Variants in SENP7 observed in about 807,000 individuals in gnomAD.
SENP7 encodes the protein SUMO specific peptidase 7.
A neutral mutation model predicts 141.2 loss-of-function variants in SENP7; 64 were observed. The observed-to-expected ratio is 0.45, with a 90% CI of 0.37 to 0.56. The LOEUF (loss-of-function observed/expected upper bound fraction) is 0.56, where lower values mean the gene tolerates loss of function less well. SENP7 is among the 20% of genes least tolerant of loss of function. The probability of loss-of-function intolerance (pLI) is 0.00; values close to 1 mark genes in which losing one functional copy is unlikely to be tolerated. For missense variants in SENP7, 1,025 were observed against 1,212.2 expected, an observed-to-expected ratio of 0.85 and a Z score of 2.29; for synonymous variants, 382 against 426.4, an observed-to-expected ratio of 0.90 and a Z score of 1.28.
chr3:101,361,790 C>A lies in SENP7; in HGVS notation c.1548G>T (p.Met516Ile). The change falls in exon 11 of 24, where the codon ATG becomes ATT. Residue 516 changes from methionine to isoleucine, a missense_variant. Physicochemically the swap from Met to Ile is conservative, Grantham distance 10 (BLOSUM62 1). Around this residue, in one of 4 missense-constraint regions of SENP7, gnomAD observed 228 missense variants for 228.5 expected, o/e 1.00. Transcript: ENST00000394095. ...NISSIMPSNE[M>I]DLQLDFIFTS... ...TAAATATAAAATCCAGTTGTAGATCCATCTCATTACTAGGCATAATACTGG... is the reference window on the plus strand; with the variant it reads ...TAAATATAAAATCCAGTTGTAGATCAATCTCATTACTAGGCATAATACTGG... 6.2e-7 allele frequency: 1 copy of A among 1,607,504 alleles called. No individual in the cohort carries two copies. The highest frequency in any genetic ancestry group is 8.5e-7 in the Non-Finnish European group (1 of 1,177,688).
chr3:101,447,875 T>C (rs771957423), intron 4 of SENP7, among the ~76,000 whole-genome samples: 7 of 152,134 alleles, frequency 4.6e-5, no homozygotes, highest in African/African-American at 9.7e-5. Flanking sequence ...TACCAGCATA[T>C]GGACAGACAT....
intron 3 of SENP7, among the ~76,000 whole-genome samples, chr3:101,475,227 C>A (rs1418420475): frequency 6.6e-6 from 1 of 152,106 alleles, no homozygotes; most frequent in Non-Finnish European, 1.5e-5. Flanking sequence ...GAATATAAAT[C>A]ATTTTATTAT....
At chr3:101,489,676 A>G (rs2064881438) in intron 3 of SENP7, among the ~76,000 whole-genome samples, 1 of 152,206 alleles carries the variant, frequency 6.6e-6, no homozygotes, top group South Asian at 2.1e-4. Context: ...TTGACCTACA[A>G]AAAGACTTAG....
Position 101,366,708 on chromosome 3 carries a change from T to G in SENP7, c.1040A>C (p.His347Pro), listed in dbSNP as rs781395586. ...TEFEKPSENYHQDPKLPEEIT... is the reference protein window; with the variant it reads ...TEFEKPSENYPQDPKLPEEIT... ...TTCTTCAGGCAGTTTTGGATCCTGA[T>G]GATAGTTTTCACTTGGCTTTTCAAA... The change falls in exon 9 of 24, where the codon CAT becomes CCT. Residue 347 changes from histidine (H) to proline (P), a missense_variant. His to Pro is a moderately conservative substitution (Grantham distance 77, BLOSUM62 -2). This residue lies in a region of SENP7 where 496 missense variants were observed against 503.5 expected (regional missense o/e 0.99). Transcript: ENST00000394095. 6.8e-6 allele frequency: 11 copies of G among 1,612,630 alleles called. No homozygotes were observed. Among genetic ancestry groups the G allele is most frequent in the Non-Finnish European group, 8.5e-6 (10 of 1,179,262 alleles).
intron 4 of SENP7, among the ~76,000 whole-genome samples, chr3:101,452,010 C>T (rs1323935781): frequency 6.6e-6 from 1 of 152,170 alleles, no homozygotes; most frequent in East Asian, 1.9e-4. Context: ...GCAACTTCAG[C>T]AAAGTCTCAG....
At chr3:101,344,175 C>T (rs1012898723) in intron 13 of SENP7, among the ~76,000 whole-genome samples, 1 of 152,142 alleles carries the variant, frequency 6.6e-6, no homozygotes, top group African/African-American at 2.4e-5. Flanking sequence ...ACTAAAATGT[C>T]ATAATAGTAC....
intron 6 of SENP7, among the ~76,000 whole-genome samples, chr3:101,386,884 G>T (rs2060668367): frequency 6.6e-6 from 1 of 152,228 alleles, no homozygotes; most frequent in Non-Finnish European, 1.5e-5. Flanking sequence ...CCCAGAATAA[G>T]TGTCTCCTAC....
intron 5 of SENP7, among the ~76,000 whole-genome samples, chr3:101,404,173 T>C (rs2061233840): frequency 6.6e-6 from 1 of 152,156 alleles, no homozygotes; most frequent in South Asian, 2.1e-4. Context: ...CAAACCATGT[T>C]ATAGGGCTAT....
At chr3:101,405,664 A>G (rs2061280409) in intron 5 of SENP7, among the ~76,000 whole-genome samples, 1 of 152,254 alleles carries the variant, frequency 6.6e-6, no homozygotes, top group Non-Finnish European at 1.5e-5. Context: ...GCCCAGTGTA[A>G]GGAAGTCCAA....
chr3:101,328,778 GAAGTT>G, intron 20 of SENP7, 89 bp from the exon 21 acceptor site: 1 of 1,019,532 alleles, frequency 9.8e-7, no homozygotes, highest in South Asian at 1.5e-5. Flanking sequence ...TTCAAACTTT[GAAGTT>G]AAAATTTCAA....
At chr3:101,513,207 GGAAAGGAAAAAAAAAAAA>G in exon 1 of SENP7, 1 of 429,832 alleles carries the variant, frequency 2.3e-6, no homozygotes, top group Non-Finnish European at 3.8e-6. Flanking sequence ...GAGGGGGAGG[GGAAAGGAAAAAAAAAAAA>G]AAAAAAAAAA....
intron 5 of SENP7, among the ~76,000 whole-genome samples, chr3:101,404,875 C>T (rs781359689): frequency 1.8e-4 from 28 of 152,042 alleles, no homozygotes; most frequent in Non-Finnish European, 3.2e-4. Flanking sequence ...CACAATGAGA[C>T]GCACAGTGAG....
intron 6 of SENP7, among the ~76,000 whole-genome samples, chr3:101,392,639 A>T (rs1177419321): frequency 6.6e-6 from 1 of 152,196 alleles, no homozygotes; most frequent in Non-Finnish European, 1.5e-5. Flanking sequence ...ATAAAATGCA[A>T]TCCCAATCAA....
intron 10 of SENP7, among the ~76,000 whole-genome samples, chr3:101,362,796 G>T (rs1341440754): frequency 1.3e-5 from 2 of 152,122 alleles, no homozygotes; most frequent in Non-Finnish European, 1.5e-5. Context: ...GCTTATACTT[G>T]CCTAAAACCT....
At chr3:101,328,082 T>G (rs1362215101) in intron 22 of SENP7, among the ~76,000 whole-genome samples, 1 of 152,152 alleles carries the variant, frequency 6.6e-6, no homozygotes. Context: ...AAGAAATCAT[T>G]TTAAAAGTTT....
intron 17 of SENP7, among the ~76,000 whole-genome samples, chr3:101,334,003 C>G (rs950612267): frequency 6.6e-6 from 1 of 152,142 alleles, no homozygotes; most frequent in Admixed American, 6.6e-5. Flanking sequence ...CAACCTAGAT[C>G]CCTTGCACGC....
chr3:101,325,936 A>G lies in SENP7; in HGVS notation c.*7T>C. 6.2e-7 allele frequency: 1 copy of G among 1,605,090 alleles called. No homozygotes were observed. The highest frequency in any genetic ancestry group is 8.5e-7 in the Non-Finnish European group (1 of 1,175,986). On this transcript the variant is annotated 3_prime_UTR_variant, in exon 24 of 24. Transcript: ENST00000394095. ...GAGAACATCTGTGTCATGTTTGTAC[A>G]GATTAACTAGCTACTGCTGCCCTTC...
At chr3:101,406,707 A>C (rs980391941) in intron 5 of SENP7, among the ~76,000 whole-genome samples, 2 of 152,216 alleles carry the variant, frequency 1.3e-5, no homozygotes, top group African/African-American at 4.8e-5. Flanking sequence ...TCCAAATACA[A>C]GAAACTCAAA....
At chr3:101,466,361 A>G (rs1224263391) in intron 3 of SENP7, among the ~76,000 whole-genome samples, 1 of 152,226 alleles carries the variant, frequency 6.6e-6, no homozygotes. Flanking sequence ...TTCTAAAAAT[A>G]GCAAGAAAAA....
Sources: allele counts gnomAD v4.1 joint callset (sites outside exome capture counted in the v4.1 genomes callset), GRCh38; gene constraint gnomAD v4.1.1; regional missense constraint gnomAD v4.1.1; transcripts MANE v1.5; gene names NCBI Gene and HGNC (gene_info 2026-07-23, HGNC 2026-07-21).